CCNY: variants seen among roughly 807,000 people sequenced by gnomAD.
CCNY encodes cyclin-Y.
In CCNY, 19 loss-of-function variants were observed where a neutral mutation model predicts 42.8. That is an observed-to-expected ratio of 0.44 (90% CI 0.31 to 0.65). CCNY has a LOEUF of 0.65. Ranked by LOEUF, CCNY falls within the 30% of genes least tolerant of loss-of-function variation. The pLI is 0.07. For missense variants in CCNY, 370 were observed against 437.3 expected, an observed-to-expected ratio of 0.85 and a Z score of 1.37; for synonymous variants, 165 against 162.7, an observed-to-expected ratio of 1.01 and a Z score of -0.11.
At chr10:35,492,469 TC>T (rs1839919205) in intron 2 of CCNY, among the ~76,000 whole-genome samples, 1 of 152,180 alleles carries the variant, frequency 6.6e-6, no homozygotes, top group Non-Finnish European at 1.5e-5. Flanking sequence ...ATTTTTTTTT[TC>T]TTTCTTAGTG....
intron 3 of CCNY, among the ~76,000 whole-genome samples, chr10:35,314,069 T>C (rs1196627229): frequency 6.6e-6 from 1 of 151,364 alleles, no homozygotes; most frequent in Non-Finnish European, 1.5e-5. Flanking sequence ...GAAACATTCA[T>C]CTTAGAAAAC....
At chr10:35,560,701 C>A (rs1841449142) in intron 8 of CCNY, among the ~76,000 whole-genome samples, 1 of 152,236 alleles carries the variant, frequency 6.6e-6, no homozygotes, top group African/African-American at 2.4e-5. Context: ...CTGGAGATAT[C>A]TGTGGACATA....
At chr10:35,460,633 C>T (rs529860525) in intron 1 of CCNY, among the ~76,000 whole-genome samples, 1 of 152,276 alleles carries the variant, frequency 6.6e-6, no homozygotes, top group East Asian at 1.9e-4. Flanking sequence ...ATACCTTTAG[C>T]AGGAGCTCAG....
At chr10:35,346,485 C>G (rs1281498449) in intron 1 of CCNY, among the ~76,000 whole-genome samples, 2 of 152,228 alleles carry the variant, frequency 1.3e-5, no homozygotes, top group Non-Finnish European at 2.9e-5. Context: ...CTTGATGACT[C>G]TGGCAGAAGA....
In CCNY at chr10:35,337,226, G is replaced by GC; in HGVS notation, c.154+24dup. 1 of 1,501,560 alleles carries GC rather than the reference G, an allele frequency of 6.7e-7. No homozygotes were observed. Among genetic ancestry groups the GC allele is most frequent in the Non-Finnish European group, 8.9e-7 (1 of 1,120,042 alleles). 93.0% of individuals were successfully genotyped at this position (1,501,560 alleles called of 1,614,324 possible). On this transcript the variant is annotated intron_variant, in intron 1 of 9. Transcript: ENST00000374704. ...ATAGACGGTGAGTGCGGCCCGCCGA[G>GC]CCCCCTACCCGCCCCCGCGGCAACA...
intron 1 of CCNY, among the ~76,000 whole-genome samples, chr10:35,435,481 ATCT>A (rs1424875512): frequency 1.3e-5 from 2 of 152,202 alleles, no homozygotes; most frequent in Non-Finnish European, 2.9e-5. Context: ...CGTGTGGCCC[ATCT>A]GCGTGGAGGA....
chr10:35,263,491 T>G (rs2095721936), intron 3 of CCNY, among the ~76,000 whole-genome samples: 1 of 151,188 alleles, frequency 6.6e-6, no homozygotes, highest in Non-Finnish European at 1.5e-5. Flanking sequence ...CAGTGAGCTA[T>G]GATGGTGTCA....
At chr10:35,430,798 C>T (rs1334454408) in intron 1 of CCNY, among the ~76,000 whole-genome samples, 7 of 152,040 alleles carry the variant, frequency 4.6e-5, no homozygotes, top group South Asian at 2.1e-4. Context: ...AAAAATGTTA[C>T]GTATATAGAA....
At chr10:35,553,731 C>T (rs139640829) in intron 8 of CCNY, among the ~76,000 whole-genome samples, 1 of 152,174 alleles carries the variant, frequency 6.6e-6, no homozygotes, top group East Asian at 1.9e-4. Flanking sequence ...GAACAGGGCT[C>T]GGGGAGGGCA....
chr10:35,330,217 C>A (rs1835926138), intron 3 of CCNY, among the ~76,000 whole-genome samples: 1 of 152,204 alleles, frequency 6.6e-6, no homozygotes, highest in African/African-American at 2.4e-5. Context: ...CAAGGAGCTT[C>A]CTATTCAGAG....
In CCNY at chr10:35,337,108, G is replaced by GC; in HGVS notation, c.58dup (p.His20ProfsTer53). 6.3e-7 allele frequency: 1 copy of GC among 1,593,724 alleles called. No homozygotes were observed. The highest frequency in any genetic ancestry group is 1.1e-5 in the South Asian group (1 of 87,622). On this transcript the variant is annotated frameshift_variant, in exon 1 of 10. Transcript: ENST00000374704. LOFTEE classifies it high-confidence loss of function. ...GTCCAGTCCCAAGCTCCGGAGGAAT[G>GC]CCCACTCCCGGCTGGAGTCCTACCG...
chr10:35,528,795 C>T (rs1347339227), intron 5 of CCNY, among the ~76,000 whole-genome samples: 3 of 152,152 alleles, frequency 2.0e-5, no homozygotes, highest in Non-Finnish European at 4.4e-5. Context: ...TAAGCTCTTT[C>T]TCTTTTATTT....
At chr10:35,510,146 T>C (rs1269468301) in intron 3 of CCNY, among the ~76,000 whole-genome samples, 1 of 152,194 alleles carries the variant, frequency 6.6e-6, no homozygotes, top group African/African-American at 2.4e-5. Context: ...TATTTAGAGA[T>C]TTCATTTATA....
At chr10:35,549,466 T>TTA (rs1841197276) in intron 7 of CCNY, among the ~76,000 whole-genome samples, 1 of 149,100 alleles carries the variant, frequency 6.7e-6, no homozygotes, top group African/African-American at 2.5e-5. Flanking sequence ...GACCCTACAG[T>TTA]GCTCGTGACC....
intron 1 of CCNY, chr10:35,455,284 ATT>A (rs1839004000): frequency 6.6e-6 from 1 of 152,212 alleles, no homozygotes; most frequent in South Asian, 2.1e-4. Flanking sequence ...TTAAAATCAA[ATT>A]TTACCAAACT....
chr10:35,356,111 G>T (rs1010737389), intron 1 of CCNY, among the ~76,000 whole-genome samples: 1 of 152,154 alleles, frequency 6.6e-6, no homozygotes, highest in South Asian at 2.1e-4. Context: ...GCACACTCTG[G>T]CTTAGCTGCA....
In CCNY at chr10:35,570,140, T is replaced by A. The variant is rs115909720; in HGVS notation, c.*970T>A. 1 of 152,780 alleles carries A rather than the reference T, an allele frequency of 6.5e-6. No individual in the cohort carries two copies. The highest frequency in any genetic ancestry group is 1.5e-5 in the Non-Finnish European group (1 of 68,046). 9.5% of individuals were successfully genotyped at this position (152,780 alleles called of 1,614,324 possible). A position where few individuals can be genotyped will look rare whatever the true frequency, so the allele number is the denominator to read the frequency against. ...ATTCCTCTCCTTCCAAGTCCATTGT[T>A]GCAAGCAATATTCTTCTCAATTTTT... On this transcript the variant is annotated 3_prime_UTR_variant, in exon 10 of 10. Coordinates refer to ENST00000374704, the MANE Select transcript of CCNY (RefSeq NM_145012.6).
At chr10:35,305,932 T>C (rs1323701793) in intron 3 of CCNY, among the ~76,000 whole-genome samples, 7 of 151,930 alleles carry the variant, frequency 4.6e-5, no homozygotes, top group Non-Finnish European at 1.5e-5. Context: ...ACAGAAGGAG[T>C]TGATATAAGG....
intron 7 of CCNY, among the ~76,000 whole-genome samples, chr10:35,547,080 G>T (rs1481336504): frequency 6.6e-6 from 1 of 152,108 alleles, no homozygotes; most frequent in African/African-American, 2.4e-5. Context: ...CTCTTTGTTG[G>T]AGAGTAAGAG....
Sources: allele counts gnomAD v4.1 joint callset (sites outside exome capture counted in the v4.1 genomes callset), GRCh38; gene constraint gnomAD v4.1.1; transcripts MANE v1.5; gene names NCBI Gene and HGNC (gene_info 2026-07-23, HGNC 2026-07-21).